PZP: variants seen among roughly 807,000 people sequenced by gnomAD.
The protein encoded by PZP is pregnancy zone protein.
In PZP, 150 loss-of-function variants were observed where a neutral mutation model predicts 179.8. The ratio of observed to expected loss-of-function variants is 0.83; its 90% CI spans 0.73 to 0.96. The LOEUF (loss-of-function observed/expected upper bound fraction) is 0.96. Among genes scored for constraint, PZP ranks in the 40% least tolerant of loss-of-function variants. The probability of loss-of-function intolerance (pLI) is 0.00; values close to 1 mark genes in which losing one functional copy is unlikely to be tolerated. For missense variants in PZP, 1,689 were observed against 1,764.0 expected (o/e 0.96, Z 0.76); for synonymous variants, 624 against 652.3 (o/e 0.96, Z 0.66).
rs1203431809 is a variant in PZP, at chr12:9,163,788, C to A, written c.2616G>T (p.Gly872=). Residue 872 remains glycine, a splice_region_variant and synonymous_variant, in exon 21 of 36, where the codon GGG becomes GGT. Transcript: ENST00000261336. ...LSWTVTPKTL[G]NVNFSVSAEA... is the part of the protein sequence containing the mutation. ...CTGCACTCACTGAGAAGTTCACATT[C>A]CCTAAAACAAGGAATATTGAAAACA... 2 of 1,610,434 alleles carry A rather than the reference C, an allele frequency of 1.2e-6. No homozygotes were observed. The highest frequency in any genetic ancestry group is 1.7e-6 in the Non-Finnish European group (2 of 1,178,942).
rs756252678 is a variant in PZP, at chr12:9,192,549, G to C, written c.1445C>G (p.Ala482Gly). Residue 482 changes from alanine to glycine, a missense_variant, in exon 12 of 36, where the codon GCC becomes GGC. Coordinates refer to ENST00000261336, the MANE Select transcript of PZP (RefSeq NM_002864.3). ...ACTGAGCTCCGATAACTCTCCCATG[G>C]CCTGTCTATTCAGTGTATAGTGTGC... Reference protein sequence around the residue: ...ITAHYTLNRQAMGELSELSFH... With the variant: ...ITAHYTLNRQGMGELSELSFH... 2 of 1,614,088 alleles carry C rather than the reference G, an allele frequency of 1.2e-6. No homozygotes were observed. Among genetic ancestry groups the C allele is most frequent in the Non-Finnish European group, 1.7e-6 (2 of 1,179,964 alleles).
At chr12:9,182,181 G>C in intron 13 of PZP, 64 bp from the exon 14 acceptor site, 1 of 212,006 alleles carries the variant, frequency 4.7e-6, no homozygotes, top group Non-Finnish European at 7.6e-6. Flanking sequence ...TAAAAATAGT[G>C]TCATAAGGAC....
the PZP span, among the ~76,000 whole-genome samples, chr12:9,143,225 G>A: frequency 6.6e-6 from 1 of 152,182 alleles, no homozygotes; most frequent in African/African-American, 2.4e-5. Flanking sequence ...CCAAGGTGCT[G>A]TTTAATCTGT....
intron 25 of PZP, among the ~76,000 whole-genome samples, chr12:9,159,319 T>G (rs1341052133): frequency 1.3e-5 from 2 of 152,154 alleles, no homozygotes; most frequent in African/African-American, 2.4e-5. Flanking sequence ...CCTGACACAT[T>G]TATTTATCCA....
chr12:9,175,520 C>T (rs1012829300), intron 15 of PZP, among the ~76,000 whole-genome samples: 3 of 152,094 alleles, frequency 2.0e-5, no homozygotes, highest in African/African-American at 4.8e-5. Context: ...TTAGAGTGAA[C>T]AGACAACTTT....
chr12:9,194,342 C>G, intron 10 of PZP, 104 bp from the exon 11 acceptor site: 1 of 1,099,632 alleles, frequency 9.1e-7, no homozygotes, highest in Non-Finnish European at 1.3e-6. Flanking sequence ...AACAACCTCC[C>G]CCTCAAAAAA....
At chr12:9,168,710 A>G in intron 17 of PZP, 159 bp downstream of exon 17, 4 of 617,782 alleles carry the variant, frequency 6.5e-6, no homozygotes, top group East Asian at 5.5e-5. Flanking sequence ...AGTTCTAGCT[A>G]TCACCAGCTA....
Position 9,165,103 on chromosome 12 carries a change from C to A in PZP, c.2487+36G>T, listed in dbSNP as rs1249980352. Reference sequence around the variant, plus strand: ...TGACTGATCAAAGGAATCTTTTGTTCTACCCACCTTTCCTGTTCACCCTCA... The same window carrying A: ...TGACTGATCAAAGGAATCTTTTGTTATACCCACCTTTCCTGTTCACCCTCA... On this transcript the variant is annotated intron_variant, in intron 19 of 35. Coordinates refer to ENST00000261336, the MANE Select transcript of PZP (RefSeq NM_002864.3). 18 of 1,594,042 alleles carry A rather than the reference C, an allele frequency of 1.1e-5. No homozygotes were observed. The Middle Eastern group carries it at 5.0e-4, about 44-fold the overall frequency.
intron 13 of PZP, among the ~76,000 whole-genome samples, chr12:9,185,108 A>G (rs1242601477): frequency 6.6e-6 from 1 of 152,228 alleles, no homozygotes; most frequent in Non-Finnish European, 1.5e-5. Context: ...AATAGAATTC[A>G]GACTATGGAT....
intron 13 of PZP, among the ~76,000 whole-genome samples, chr12:9,187,934 C>T (rs1943225353): frequency 6.6e-6 from 1 of 152,246 alleles, no homozygotes; most frequent in African/African-American, 2.4e-5. Context: ...TTGCTACCAG[C>T]CTGAAAACCC....
At chr12:9,150,590 A>G in intron 34 of PZP, 54 bp downstream of exon 34, 1 of 1,196,660 alleles carries the variant, frequency 8.4e-7, no homozygotes, top group Non-Finnish European at 1.2e-6. Flanking sequence ...AACTGTCACA[A>G]CAGGATCCAT....
chr12:9,182,200 T>C, intron 13 of PZP, 83 bp from the exon 14 acceptor site: 1 of 1,378,514 alleles, frequency 7.3e-7, no homozygotes, highest in Non-Finnish European at 9.8e-7. Context: ...ACACTATTGC[T>C]TGGTCTTATC....
Position 9,182,103 on chromosome 12 carries a change from C to G in PZP, c.1561G>C (p.Ala521Pro). Residue 521 changes from alanine to proline, a missense_variant, in exon 14 of 36, where the codon GCC becomes CCC. Physicochemically the swap from Ala to Pro is conservative, Grantham distance 27. Transcript: ENST00000261336. ...TCTGACTCCACAGGGAAGGATAAGG[C>G]AAAACTGCCTTTCACTGGAACATGG... ...VESGDMKGSF[A>P]LSFPVESDVA... 1 of 1,498,434 alleles carries G rather than the reference C, an allele frequency of 6.7e-7. No individual in the cohort carries two copies. The highest frequency in any genetic ancestry group is 9.0e-7 in the Non-Finnish European group (1 of 1,114,998). The allele number at this position is 1,498,434 out of a possible 1,614,324, so 92.8% of individuals were successfully genotyped here.
intron 22 of PZP, among the ~76,000 whole-genome samples, chr12:9,161,693 A>T (rs1941213179): frequency 1.3e-5 from 2 of 152,332 alleles, no homozygotes; most frequent in Admixed American, 1.3e-4. Context: ...ACATGAATAT[A>T]CCTTAAATTA....
At chr12:9,207,330 T>A (rs1944486199) in intron 1 of PZP, among the ~76,000 whole-genome samples, 1 of 152,204 alleles carries the variant, frequency 6.6e-6, no homozygotes, top group South Asian at 2.1e-4. Context: ...TCAGTGCCTA[T>A]GTGCTATTAT....
chr12:9,199,055 A>G (rs1432728950), intron 7 of PZP, among the ~76,000 whole-genome samples: 1 of 152,198 alleles, frequency 6.6e-6, no homozygotes, highest in Non-Finnish European at 1.5e-5. Context: ...AAGGAACATC[A>G]TAGGTAAGGT....
At chr12:9,183,807 A>C (rs1415264631) in intron 13 of PZP, among the ~76,000 whole-genome samples, 1 of 152,228 alleles carries the variant, frequency 6.6e-6, no homozygotes, top group Non-Finnish European at 1.5e-5. Context: ...ATTTGACTTT[A>C]GCTTAACATT....
intron 13 of PZP, among the ~76,000 whole-genome samples, chr12:9,184,399 G>GC (rs1942970253): frequency 6.6e-6 from 1 of 152,188 alleles, no homozygotes; most frequent in Non-Finnish European, 1.5e-5. Flanking sequence ...ACCCACCAGT[G>GC]CCCCACCCCC....
Position 9,152,226 on chromosome 12 carries a change from T to A in PZP, c.4206A>T (p.Val1402=). Residue 1402 remains valine (V), a synonymous_variant, in exon 32 of 36, where the codon GTA becomes GTT. Coordinates refer to ENST00000261336, the MANE Select transcript of PZP (RefSeq NM_002864.3). ...AGGATTAAAATACACCTACCATTTT[T>A]ACTGTTGGTTTCAGGGGAATAAAAC... ...VSGFIPLKPT[V]KMLERSSSVS... The A allele has an allele frequency of 6.3e-7, 1 of 1,599,374 alleles. No individual in the cohort carries two copies. Among genetic ancestry groups the A allele is most frequent in the South Asian group, 1.1e-5 (1 of 90,788 alleles).
Sources: gnomAD v4.1 joint callset for allele counts (sites outside exome capture counted in the v4.1 genomes callset) on GRCh38, gnomAD v4.1.1 for gene constraint, MANE v1.5 for transcripts, NCBI Gene and HGNC (gene_info 2026-07-23, HGNC 2026-07-21) for gene names.